KDM6A: variants seen among roughly 807,000 people sequenced by gnomAD.
KDM6A encodes the protein lysine-specific demethylase 6A.
Under a neutral mutation model 117.6 loss-of-function variants are expected in KDM6A, and 11 were observed. That is an observed-to-expected ratio of 0.09 (90% CI 0.06 to 0.15). KDM6A has a LOEUF of 0.15. Among genes scored for constraint, KDM6A ranks in the 10% least tolerant of loss-of-function variants. KDM6A has a pLI of 1.00. For missense variants in KDM6A, 799 were observed against 1,077.3 expected, an observed-to-expected ratio of 0.74 and a Z score of 3.62; for synonymous variants, 384 against 396.1, an observed-to-expected ratio of 0.97 and a Z score of 0.36.
rs374328447 is a variant in KDM6A, at chrX:45,076,737, T to C, written c.2899T>C (p.Leu967=). The change falls in exon 19 of 30, where the codon TTG becomes CTG. Residue 967 remains leucine, a synonymous_variant. Transcript: ENST00000611820. ...KNGLSNSSIL[L]DKCPPPRPPS... ...TGGCTTATCTAACAGTAGCATTTTGTTGGATAAATGTCCACCTCCAAGACC... is the reference window on the plus strand; with the variant it reads ...TGGCTTATCTAACAGTAGCATTTTGCTGGATAAATGTCCACCTCCAAGACC... The C allele has an allele frequency of 6.7e-6, 8 of 1,187,600 alleles. No homozygotes were observed. The highest frequency in any genetic ancestry group is 2.3e-4 in the Middle Eastern group (1 of 4,260).
intron 27 of KDM6A, among the ~76,000 whole-genome samples, chrX:45,103,934 A>G (rs1437659166): frequency 8.9e-6 from 1 of 112,339 alleles, no homozygotes; most frequent in African/African-American, 3.2e-5. Flanking sequence ...TTGTTTCTAA[A>G]GTACACGTAT....
chrX:45,098,853 T>G (rs2046218772), intron 27 of KDM6A, among the ~76,000 whole-genome samples: 1 of 111,982 alleles, frequency 8.9e-6, no homozygotes, highest in Non-Finnish European at 1.9e-5. Context: ...ATGGTTTTTC[T>G]AGGTTAATAT....
At chrX:45,091,534 T>C (rs1311391864) in intron 27 of KDM6A, among the ~76,000 whole-genome samples, 1 of 111,868 alleles carries the variant, frequency 8.9e-6, no homozygotes, top group African/African-American at 3.2e-5. Context: ...ATTCTGGCTA[T>C]GGAAATATGG....
At position 45,002,695 on chromosome X, in the gene KDM6A, T is replaced by C. The variant is rs751401628; in HGVS notation, c.385-8266T>C. On this transcript the variant is annotated intron_variant, in intron 4 of 29. Transcript: ENST00000611820. ...AATTATATAACATTTCTTGCATAAA[T>C]TCCCTTTTATAACATTTTTTTTCAC... Among the ~76,000 whole-genome samples, 35 of 111,910 alleles carry C rather than the reference T, an allele frequency of 3.1e-4. 1 individual carries two copies. In the South Asian group the frequency reaches 0.012, roughly 38 times the overall value.
At chrX:44,927,458 A>G (rs779279194) in intron 2 of KDM6A, among the ~76,000 whole-genome samples, 4 of 110,677 alleles carry the variant, frequency 3.6e-5, no homozygotes, top group Non-Finnish European at 7.5e-5. Context: ...TGGAGATTTT[A>G]CTTGGTAATC....
At chrX:45,000,857 A>G (rs2041110279) in intron 4 of KDM6A, among the ~76,000 whole-genome samples, 1 of 112,796 alleles carries the variant, frequency 8.9e-6, no homozygotes, top group Non-Finnish European at 1.9e-5. Flanking sequence ...CATGCAGCCC[A>G]CACCAGGTCA....
chrX:45,014,946 AT>A (rs2041900751), intron 5 of KDM6A, among the ~76,000 whole-genome samples: 2 of 111,967 alleles, frequency 1.8e-5, no homozygotes, highest in Non-Finnish European at 3.8e-5. Context: ...CCCAAATATA[AT>A]TGACAGGCTT....
chrX:45,047,337 CTA>C (rs1274951320), intron 8 of KDM6A, among the ~76,000 whole-genome samples: 6 of 105,254 alleles, frequency 5.7e-5, no homozygotes, highest in Non-Finnish European at 1.2e-4. Context: ...GTATGGTAGA[CTA>C]TATGCTATTG....
At chrX:44,963,493 G>GTCTGTCTGTCTGTCTGTC (rs1569485780) in intron 3 of KDM6A, among the ~76,000 whole-genome samples, 1 of 39,188 alleles carries the variant, frequency 2.6e-5, no homozygotes, top group African/African-American at 5.9e-5. Flanking sequence ...GTGTCTGTCT[G>GTCTGTCTGTCTGTCTGTC]TCTGTCTCTG....
chrX:44,968,286 G>C (rs7049992), intron 3 of KDM6A, among the ~76,000 whole-genome samples: 8,181 of 112,395 alleles, frequency 0.073, 653 homozygotes, highest in African/African-American at 0.24. Context: ...AGCTTCTGTA[G>C]AATCTCACAG....
chrX:44,991,304 CTT>C (rs780421808), intron 4 of KDM6A, among the ~76,000 whole-genome samples: 4 of 111,166 alleles, frequency 3.6e-5, no homozygotes, highest in Non-Finnish European at 7.6e-5. Flanking sequence ...GACTTATTCT[CTT>C]TTTTTCTTTT....
chrX:44,980,972 G>T (rs928452740), intron 4 of KDM6A, among the ~76,000 whole-genome samples: 5 of 109,947 alleles, frequency 4.5e-5, no homozygotes, highest in African/African-American at 1.7e-4. Flanking sequence ...TACTTCGAGG[G>T]CTCTTCCCTC....
At chrX:45,023,133 C>T (rs2042237180) in intron 6 of KDM6A, among the ~76,000 whole-genome samples, 1 of 111,727 alleles carries the variant, frequency 9.0e-6, no homozygotes, top group Admixed American at 9.5e-5. Context: ...TAGTTATGCC[C>T]AGTCTTTGAG....
Position 45,053,898 on chromosome X carries a change from T to C in KDM6A, c.818T>C (p.Leu273Pro). 8.3e-7 allele frequency: 1 copy of C among 1,205,995 alleles called. No homozygotes were observed. The highest frequency in any genetic ancestry group is 2.2e-5 in the Admixed American group (1 of 46,054). Residue 273 changes from leucine (L) to proline (P), a missense_variant, in exon 10 of 30, where the codon CTC becomes CCC. Physicochemically the swap from Leu to Pro is moderately conservative, Grantham distance 98. Transcript: ENST00000611820. ...AAGGAAAGCTATGCTATTCAGTATC[T>C]CCAAAAGTCCTTGGAAGCAGATCCT... Reference protein sequence around the residue: ...ATKESYAIQYLQKSLEADPNS... With the variant: ...ATKESYAIQYPQKSLEADPNS...
intron 2 of KDM6A, 37 bp downstream of exon 2, chrX:44,874,024 C>T (rs2031172015): frequency 8.6e-7 from 1 of 1,164,268 alleles, no homozygotes; most frequent in African/African-American, 1.8e-5. Flanking sequence ...GACACCGTCT[C>T]CCTGGCCGGC....
intron 6 of KDM6A, among the ~76,000 whole-genome samples, chrX:45,028,840 G>A (rs984113318): frequency 1.8e-5 from 2 of 112,145 alleles, no homozygotes; most frequent in Non-Finnish European, 3.8e-5. Context: ...GTTCTATAAC[G>A]TGCCTTCAAG....
At chrX:45,042,462 A>T (rs1425311277) in intron 8 of KDM6A, among the ~76,000 whole-genome samples, 1 of 111,395 alleles carries the variant, frequency 9.0e-6, no homozygotes, top group African/African-American at 3.3e-5. Flanking sequence ...TTTCATTTTC[A>T]AGTGAAAAAT....
At chrX:45,054,631 A>T (rs934531278) in intron 10 of KDM6A, among the ~76,000 whole-genome samples, 3 of 111,959 alleles carry the variant, frequency 2.7e-5, no homozygotes, top group African/African-American at 9.7e-5. Context: ...TTATAGTTTT[A>T]GACTATCATC....
chrX:45,015,608 T>C (rs1268521514), intron 5 of KDM6A, among the ~76,000 whole-genome samples: 1 of 111,774 alleles, frequency 8.9e-6, no homozygotes, highest in African/African-American at 3.3e-5. Flanking sequence ...TGCATGGTGG[T>C]ACCATTGATT....
Sources: gnomAD v4.1 joint callset for allele counts (sites outside exome capture counted in the v4.1 genomes callset) on GRCh38, gnomAD v4.1.1 for gene constraint, MANE v1.5 for transcripts, NCBI Gene and HGNC (gene_info 2026-07-23, HGNC 2026-07-21) for gene names.